The following DDIAS variants were observed in gnomAD, a reference collection of about 807,000 sequenced individuals.
DDIAS encodes the protein DNA damage-induced apoptosis suppressor protein.
A neutral mutation model predicts 15.7 loss-of-function variants in DDIAS; 14 were observed. The observed-to-expected ratio is 0.89, with a 90% confidence interval of 0.59 to 1.39. DDIAS has a LOEUF of 1.39. DDIAS is among the 40% of genes most tolerant of loss of function. The pLI is 0.00. For missense variants in DDIAS, 1,035 were observed against 1,130.9 expected, an observed-to-expected ratio of 0.92 and a Z score of 1.22; for synonymous variants, 355 against 395.9, an observed-to-expected ratio of 0.90 and a Z score of 1.23.
intron 3 of DDIAS, among the ~76,000 whole-genome samples, chr11:82,923,643 G>A (rs1017524420): frequency 6.6e-6 from 1 of 152,226 alleles, no homozygotes; most frequent in Non-Finnish European, 1.5e-5. Context: ...TATGGAGGGA[G>A]ATGGGATTAG....
intron 3 of DDIAS, among the ~76,000 whole-genome samples, chr11:82,928,490 C>T (rs187628034): frequency 9.2e-5 from 14 of 152,134 alleles, no homozygotes; most frequent in African/African-American, 3.1e-4. Context: ...TGAACCACCG[C>T]GCCCGGCCTT....
intron 3 of DDIAS, among the ~76,000 whole-genome samples, chr11:82,926,086 T>G (rs1860855609): frequency 7.9e-6 from 1 of 127,380 alleles, no homozygotes; most frequent in African/African-American, 3.2e-5. Flanking sequence ...CTTTGGCAAG[T>G]AATTTTTTTT....
intron 3 of DDIAS, among the ~76,000 whole-genome samples, chr11:82,918,960 G>C (rs946585577): frequency 1.3e-5 from 2 of 151,990 alleles, no homozygotes; most frequent in African/African-American, 4.8e-5. Context: ...CCAGAAACTT[G>C]GCTGAATTCT....
At position 82,928,839 on chromosome 11, in the gene DDIAS, T is replaced by C. The variant is rs1860924086; in HGVS notation, c.176T>C (p.Leu59Pro). 3 of 1,613,338 alleles carry C rather than the reference T, an allele frequency of 1.9e-6. No homozygotes were observed. Among genetic ancestry groups the C allele is most frequent in the Non-Finnish European group, 2.5e-6 (3 of 1,179,752 alleles). The part of the protein sequence containing the change: ...ESGNANYRYK[L>P]SLKVAESNKL... ...GGAAATGCCAATTACAGATACAAAC[T>C]TTCCTTAAAAGTTGCAGAATCAAAC... The change falls in exon 4 of 6, where the codon CTT becomes CCT. Residue 59 changes from leucine to proline, a missense_variant. Physicochemically the swap from Leu to Pro is moderately conservative, Grantham distance 98. Transcript: ENST00000533655.
intron 3 of DDIAS, among the ~76,000 whole-genome samples, chr11:82,920,804 A>G (rs553468055): frequency 1.3e-5 from 2 of 152,200 alleles, no homozygotes; most frequent in Non-Finnish European, 2.9e-5. Flanking sequence ...CACATGGTCT[A>G]TCTTGGAGAA....
rs367986868 is a variant in DDIAS at position 82,934,128 on chromosome 11, G to A, written c.2790G>A (p.Thr930=). Residue 930 remains threonine, a synonymous_variant, in exon 6 of 6, where the codon ACG becomes ACA. Coordinates refer to ENST00000533655, the MANE Select transcript of DDIAS (RefSeq NM_145018.4). ...KLKNMLAAVV[T]KKKTHKYNCK... ...AGAATATGCTTGCAGCAGTTGTTACGAAAAAGAAAACTCATAAATATAACT... is the reference window on the plus strand; with the variant it reads ...AGAATATGCTTGCAGCAGTTGTTACAAAAAAGAAAACTCATAAATATAACT... 7.5e-6 allele frequency: 12 copies of A among 1,608,574 alleles called. No homozygotes were observed. The highest frequency in any genetic ancestry group is 2.2e-5 in the East Asian group (1 of 44,882).
chr11:82,915,771 C>G (rs1860621129), intron 3 of DDIAS, among the ~76,000 whole-genome samples: 1 of 152,154 alleles, frequency 6.6e-6, no homozygotes, highest in African/African-American at 2.4e-5. Flanking sequence ...TTTAGATTGT[C>G]TTAGGTTCAC....
chr11:82,930,615 G>A (rs984308039), intron 5 of DDIAS, among the ~76,000 whole-genome samples: 22 of 151,916 alleles, frequency 1.4e-4, no homozygotes, highest in Non-Finnish European at 3.1e-4. Flanking sequence ...CAATTCTCTA[G>A]CTTTTTAATT....
At chr11:82,930,106 TA>T in intron 4 of DDIAS, 50 bp from the exon 5 acceptor site, 1 of 1,083,828 alleles carries the variant, frequency 9.2e-7, no homozygotes, top group Non-Finnish European at 1.4e-6. Flanking sequence ...TTATGGCAAG[TA>T]AAATTTCAAA....
Position 82,933,553 on chromosome 11 carries a change from C to T in DDIAS, c.2215C>T (p.Leu739=). The T allele has an allele frequency of 1.2e-6, 2 of 1,614,102 alleles. No individual in the cohort carries two copies. Among genetic ancestry groups the T allele is most frequent in the Non-Finnish European group, 1.7e-6 (2 of 1,179,992 alleles). The stretch of plus-strand genomic sequence containing the variant: ...TTCACAAAAATTATCCTTGCAAAGC[C>T]TATCTGACTCTAGGCATTCAAGAAC... ...QPSQKLSLQS[L]SDSRHSRTCS... is the part of the protein sequence containing the mutation. The change falls in exon 6 of 6, where the codon CTA becomes TTA. Residue 739 remains leucine (L), a synonymous_variant. Transcript: ENST00000533655.
At chr11:82,908,287 G>A (rs560508445) in intron 1 of DDIAS, among the ~76,000 whole-genome samples, 1 of 152,302 alleles carries the variant, frequency 6.6e-6, no homozygotes, top group African/African-American at 2.4e-5. Context: ...GAGGAGGAGA[G>A]TGGTACAAAG....
Position 82,934,013 on chromosome 11 carries a change from A to G in DDIAS, c.2675A>G (p.Tyr892Cys), listed in dbSNP as rs868218164. 2.5e-6 allele frequency: 4 copies of G among 1,613,718 alleles called. No homozygotes were observed. Among genetic ancestry groups the G allele is most frequent in the African/African-American group, 2.7e-5 (2 of 74,932 alleles). The stretch of plus-strand genomic sequence containing the variant: ...GGTCTAGGGAAATGCCTTGCTGCCT[A>G]TCATTTCCCTGATCAACAAGAGTTA... Reference protein sequence around the residue: ...GIGLGKCLAAYHFPDQQELPR... With the variant: ...GIGLGKCLAACHFPDQQELPR... Residue 892 changes from tyrosine to cysteine, a missense_variant, in exon 6 of 6, where the codon TAT becomes TGT. By Grantham distance (194) the Tyr-to-Cys change is radical. Transcript: ENST00000533655.
intron 1 of DDIAS, among the ~76,000 whole-genome samples, chr11:82,905,254 ACTTTTGTCCCTCT>A (rs1404658747): frequency 6.6e-6 from 1 of 152,084 alleles, no homozygotes; most frequent in African/African-American, 2.4e-5. Context: ...CAACACTTAC[ACTTTTGTCCCTCT>A]TTCTACCCTC....
chr11:82,916,052 C>T (rs1260806535), intron 3 of DDIAS, among the ~76,000 whole-genome samples: 1 of 152,114 alleles, frequency 6.6e-6, no homozygotes, highest in Non-Finnish European at 1.5e-5. Context: ...TAAATGAGGA[C>T]TTACTGTAAT....
rs1345893479 is a variant in DDIAS at position 82,932,922 on chromosome 11, T to TA, written c.1585dup (p.Met529AsnfsTer28). ...TCTCTGTAAATCATAATGGAAGAGA[T>TA]ATGTCAGAATATTTTTTACCGAATC... On this transcript the variant is annotated frameshift_variant, in exon 6 of 6. Coordinates refer to ENST00000533655, the MANE Select transcript of DDIAS (RefSeq NM_145018.4). LOFTEE classifies it low-confidence loss of function (END_TRUNC). 4.3e-5 allele frequency: 69 copies of TA among 1,611,910 alleles called. No homozygotes were observed. The highest frequency in any genetic ancestry group is 5.6e-5 in the Non-Finnish European group (66 of 1,178,886).
rs1860593623 is a variant in DDIAS, at chr11:82,914,578, AT to A, written c.-16-144del. ...AAGGAGAAAAAGAATTAATTTTCCAATACATTGATACCACCTTCACTTTGAA... is the reference window on the plus strand; with the variant it reads ...AAGGAGAAAAAGAATTAATTTTCCAAACATTGATACCACCTTCACTTTGAA... On this transcript the variant is annotated intron_variant, in intron 2 of 5. Transcript: ENST00000533655. 65 of 501,544 alleles carry A rather than the reference AT, an allele frequency of 1.3e-4. 2 individuals are homozygous for A. The South Asian group carries it at 2.2e-3, about 17-fold the overall frequency. 31.1% of individuals were successfully genotyped at this position (501,544 alleles called of 1,614,324 possible). A position where few individuals can be genotyped will look rare whatever the true frequency, so the allele number is the denominator to read the frequency against.
intron 3 of DDIAS, among the ~76,000 whole-genome samples, chr11:82,917,905 G>C (rs372202311): frequency 7.0e-4 from 107 of 152,260 alleles, no homozygotes; most frequent in African/African-American, 2.4e-3. Flanking sequence ...TAGTGATGTT[G>C]AGCATTTTTT....
chr11:82,924,769 C>G (rs1860823735), intron 3 of DDIAS, among the ~76,000 whole-genome samples: 1 of 152,022 alleles, frequency 6.6e-6, no homozygotes, highest in Non-Finnish European at 1.5e-5. Flanking sequence ...GAGCCAAGAT[C>G]ATACCGTTGC....
intron 3 of DDIAS, among the ~76,000 whole-genome samples, chr11:82,924,198 G>A (rs1431035496): frequency 6.6e-6 from 1 of 152,154 alleles, no homozygotes; most frequent in Non-Finnish European, 1.5e-5. Flanking sequence ...ATATGTGGAA[G>A]CATTAAGAGA....
Sources: allele counts gnomAD v4.1 joint callset (sites outside exome capture counted in the v4.1 genomes callset), GRCh38; gene constraint gnomAD v4.1.1; transcripts MANE v1.5; gene names NCBI Gene and HGNC (gene_info 2026-07-23, HGNC 2026-07-21).